Variants in GPC5 observed in about 807,000 individuals in gnomAD.
The protein encoded by GPC5 is glypican-5.
In GPC5, 47 loss-of-function variants were observed where a neutral mutation model predicts 53.9. That is an observed-to-expected ratio of 0.87 (90% confidence interval 0.69 to 1.11). The LOEUF (loss-of-function observed/expected upper bound fraction) is 1.11. Among genes scored for constraint, GPC5 ranks in the 50% most tolerant of loss-of-function variants. The pLI is 0.00. For missense variants in GPC5, 748 were observed against 713.1 expected (o/e 1.05, Z -0.56); for synonymous variants, 286 against 263.3 (o/e 1.09, Z -0.84).
chr13:92,120,985 A>C (rs1490941082), intron 6 of GPC5, among the ~76,000 whole-genome samples: 1 of 152,202 alleles, frequency 6.6e-6, no homozygotes, highest in Non-Finnish European at 1.5e-5. Context: ...GTTTCTGAAA[A>C]GACCACTAGT....
intron 7 of GPC5, among the ~76,000 whole-genome samples, chr13:92,493,375 T>C (rs1319034959): frequency 2.0e-5 from 3 of 152,206 alleles, no homozygotes; most frequent in Admixed American, 2.0e-4. Context: ...TAAAAACTAC[T>C]GTGAAGTTGT....
At chr13:92,569,433 G>A (rs1347242392) in intron 7 of GPC5, among the ~76,000 whole-genome samples, 1 of 151,908 alleles carries the variant, frequency 6.6e-6, no homozygotes, top group Non-Finnish European at 1.5e-5. Flanking sequence ...TTTTGATGGC[G>A]TGCCGGGATC....
At chr13:92,225,751 A>C (rs1021781306) in intron 7 of GPC5, among the ~76,000 whole-genome samples, 1 of 145,970 alleles carries the variant, frequency 6.9e-6, no homozygotes, top group Non-Finnish European at 1.5e-5. Context: ...AAATTCTTCC[A>C]AAAAAAAAAT....
intron 7 of GPC5, among the ~76,000 whole-genome samples, chr13:92,151,915 C>T (rs1485128380): frequency 2.0e-5 from 3 of 152,028 alleles, no homozygotes; most frequent in African/African-American, 7.2e-5. Flanking sequence ...TCTGGAAAAG[C>T]AACCAATATT....
intron 3 of GPC5, among the ~76,000 whole-genome samples, chr13:91,721,184 G>A (rs1390487500): frequency 1.3e-5 from 2 of 150,620 alleles, no homozygotes; most frequent in African/African-American, 4.9e-5. Context: ...GCCCAGGCTG[G>A]AATGCAATGG....
intron 5 of GPC5, among the ~76,000 whole-genome samples, chr13:91,886,458 A>T (rs1399542265): frequency 6.6e-6 from 1 of 152,178 alleles, no homozygotes; most frequent in African/African-American, 2.4e-5. Context: ...TCACATTTCA[A>T]AATCAATCAT....
At chr13:91,555,183 C>T (rs1022313906) in intron 2 of GPC5, among the ~76,000 whole-genome samples, 5 of 152,056 alleles carry the variant, frequency 3.3e-5, no homozygotes, top group African/African-American at 1.2e-4. Context: ...TACAGTATCA[C>T]CACCAGGATA....
intron 2 of GPC5, among the ~76,000 whole-genome samples, chr13:91,507,066 A>C (rs1465777658): frequency 6.6e-6 from 1 of 152,088 alleles, no homozygotes; most frequent in Admixed American, 6.6e-5. Context: ...TATATATCTT[A>C]GTTTTTGGGG....
At chr13:91,655,228 T>C (rs2034817003) in intron 2 of GPC5, among the ~76,000 whole-genome samples, 1 of 152,116 alleles carries the variant, frequency 6.6e-6, no homozygotes, top group Admixed American at 6.6e-5. Flanking sequence ...TGCAGAATTT[T>C]GGCAAGATGG....
chr13:92,628,264 CTTTTTTTTTTTTTTTT>C (rs71123419), intron 7 of GPC5, among the ~76,000 whole-genome samples: 1 of 45,338 alleles, frequency 2.2e-5, no homozygotes, highest in African/African-American at 7.3e-5. Flanking sequence ...CTTTTTCTTT[CTTTTTTTTTTTTTTTT>C]TTTTTTTTTT....
At chr13:91,841,840 G>C (rs2038791443) in intron 5 of GPC5, among the ~76,000 whole-genome samples, 1 of 152,110 alleles carries the variant, frequency 6.6e-6, no homozygotes, top group Admixed American at 6.5e-5. Flanking sequence ...GGAGCATATG[G>C]GCAGTTTGAG....
chr13:91,879,338 T>A (rs2039239825), intron 5 of GPC5, among the ~76,000 whole-genome samples: 1 of 152,234 alleles, frequency 6.6e-6, no homozygotes, highest in African/African-American at 2.4e-5. Flanking sequence ...TATAACTACT[T>A]TGCTAAATTT....
At position 92,675,298 on chromosome 13, in the gene GPC5, T is replaced by C. The variant is rs140501167; in HGVS notation, c.1562-190984T>C. ...TTGTCTCTTACCAATTCAAAATTAA[T>C]TCATTAGAAAGCAATTTTCCTCAAC... is the stretch of plus-strand genomic sequence containing the variant. On this transcript the variant is annotated intron_variant, in intron 7 of 7. Transcript: ENST00000377067. Among the ~76,000 whole-genome samples, 684 of 152,290 alleles carry C rather than the reference T, an allele frequency of 4.5e-3. 5 individuals carry two copies. Among genetic ancestry groups the C allele is most frequent in the African/African-American group, 0.016 (650 of 41,568 alleles).
chr13:92,493,248 A>G (rs1879834417), intron 7 of GPC5, among the ~76,000 whole-genome samples: 1 of 152,270 alleles, frequency 6.6e-6, no homozygotes, highest in African/African-American at 2.4e-5. Flanking sequence ...AGGGACAAGC[A>G]TTAAATATTG....
chr13:91,955,837 A>G (rs1287810458), intron 6 of GPC5, among the ~76,000 whole-genome samples: 2 of 152,058 alleles, frequency 1.3e-5, no homozygotes, highest in Non-Finnish European at 2.9e-5. Flanking sequence ...CATCGCTACA[A>G]CTCTGGAGCC....
intron 7 of GPC5, among the ~76,000 whole-genome samples, chr13:92,430,548 A>G (rs1034500387): frequency 1.3e-5 from 2 of 152,178 alleles, no homozygotes; most frequent in Non-Finnish European, 1.5e-5. Flanking sequence ...GGAGTGGGCC[A>G]GCATTTACAT....
chr13:91,955,529 T>G (rs912772804), intron 6 of GPC5, among the ~76,000 whole-genome samples: 1 of 151,832 alleles, frequency 6.6e-6, no homozygotes, highest in Non-Finnish European at 1.5e-5. Flanking sequence ...CAAGGCAGCC[T>G]GGTTAGCCAC....
At chr13:92,067,990 AAGGGAGAG>A (rs1286004229) in intron 6 of GPC5, among the ~76,000 whole-genome samples, 1 of 151,950 alleles carries the variant, frequency 6.6e-6, no homozygotes, top group Non-Finnish European at 1.5e-5. Flanking sequence ...TGTAAAGGGA[AAGGGAGAG>A]AGGGAGAGAG....
intron 7 of GPC5, among the ~76,000 whole-genome samples, chr13:92,770,749 C>T (rs1035100401): frequency 1.3e-5 from 2 of 152,082 alleles, no homozygotes; most frequent in Non-Finnish European, 2.9e-5. Context: ...AGCTGAAACC[C>T]GGACATTTGG....
Sources: gnomAD v4.1 joint callset for allele counts (sites outside exome capture counted in the v4.1 genomes callset) on GRCh38, gnomAD v4.1.1 for gene constraint, MANE v1.5 for transcripts, NCBI Gene and HGNC (gene_info 2026-07-23, HGNC 2026-07-21) for gene names.